The following KCNN4 variants were observed in gnomAD, a reference collection of about 807,000 sequenced individuals.
KCNN4 encodes intermediate conductance calcium-activated potassium channel protein 4.
A neutral mutation model predicts 45.2 loss-of-function variants in KCNN4; 31 were observed. That is an observed-to-expected ratio of 0.69 (90% CI 0.52 to 0.92). The LOEUF is 0.92. Ranked by LOEUF, KCNN4 falls within the 40% of genes least tolerant of loss-of-function variation. The pLI is 0.00. For missense variants in KCNN4, 463 were observed against 574.0 expected, an observed-to-expected ratio of 0.81 and a Z score of 1.98; for synonymous variants, 231 against 254.6, an observed-to-expected ratio of 0.91 and a Z score of 0.88.
Position 43,769,508 on chromosome 19 carries a change from T to G in KCNN4, c.983A>C (p.His328Pro). The change falls in exon 6 of 9, where the codon CAT becomes CCT. Residue 328 changes from histidine to proline, a missense_variant. By Grantham distance (77) the His-to-Pro change is moderately conservative. Around this residue, in one of 3 missense-constraint regions of KCNN4, gnomAD observed 129 missense variants for 149.4 expected, o/e 0.86. Coordinates refer to ENST00000648319, the MANE Select transcript of KCNN4 (RefSeq NM_002250.3). The surrounding 1 kb of genome is among the most constrained non-coding windows in gnomAD (Gnocchi z 4.4). ...VLQEAWMFYK[H>P]TRRKESHAAR... The stretch of plus-strand genomic sequence containing the variant: ...AGCATGAGACTCCTTCCTGCGAGTA[T>G]GTTTGTAGAACATCCAGGCTTCTTG... 2 of 1,614,212 alleles carry G rather than the reference T, an allele frequency of 1.2e-6. No homozygotes were observed.
At chr19:43,775,959 T>C (rs1568394472) in intron 2 of KCNN4, among the ~76,000 whole-genome samples, 1 of 151,644 alleles carries the variant, frequency 6.6e-6, no homozygotes, top group Non-Finnish European at 1.5e-5. Flanking sequence ...AAACCCCGTT[T>C]CTACTAAAAT....
At position 43,769,640 on chromosome 19, in the gene KCNN4, G is replaced by T; in HGVS notation, c.930+79C>A. 2 of 1,563,468 alleles carry T rather than the reference G, an allele frequency of 1.3e-6. No homozygotes were observed. The highest frequency in any genetic ancestry group is 1.8e-6 in the Non-Finnish European group (2 of 1,134,744). On this transcript the variant is annotated intron_variant, in intron 5 of 8. Coordinates refer to ENST00000648319, the MANE Select transcript of KCNN4 (RefSeq NM_002250.3). This position sits in a 1 kb window ranked among gnomAD's most constrained non-coding sequence, Gnocchi z 4.4. ...GCAGGGCTAGGGCTGGGACTCTTGG[G>T]TCCTAGGGGAAGCAGGGGCGCCTGG...
At chr19:43,777,147 C>G (rs1432095437) in intron 1 of KCNN4, among the ~76,000 whole-genome samples, 1 of 152,096 alleles carries the variant, frequency 6.6e-6, no homozygotes, top group Admixed American at 6.6e-5. Context: ...CAGGAATGCT[C>G]TCTTTCTCCC....
In KCNN4 at chr19:43,776,600, T is replaced by C. The variant is rs1259216918; in HGVS notation, c.196A>G (p.Ser66Gly). Residue 66 changes from serine (S) to glycine (G), a missense_variant, in exon 2 of 9, where the codon AGC (serine) becomes GGC (glycine). Physicochemically the swap from Ser to Gly is moderately conservative, Grantham distance 56 (BLOSUM62 0). Around this residue, in one of 3 missense-constraint regions of KCNN4, gnomAD observed 225 missense variants for 240.9 expected, o/e 0.93. Transcript: ENST00000648319. The stretch of plus-strand genomic sequence containing the variant: ...CAGAGGAGTAAGAAGGTGGAAATGC[T>C]GATCGTGCATTTAACCAGGAACAGG... Reference protein sequence around the residue: ...LYLFLVKCTISISTFLLLCLI... With the variant: ...LYLFLVKCTIGISTFLLLCLI... 6.2e-7 allele frequency: 1 copy of C among 1,613,992 alleles called. No homozygotes were observed. Among genetic ancestry groups the C allele is most frequent in the South Asian group, 1.1e-5 (1 of 91,086 alleles).
chr19:43,780,492 G>GAGTCCAAGTCCCCAGT (rs1969948212), intron 1 of KCNN4, among the ~76,000 whole-genome samples: 1 of 83,828 alleles, frequency 1.2e-5, no homozygotes, highest in African/African-American at 4.9e-5. Flanking sequence ...AGGAGTCCAG[G>GAGTCCAAGTCCCCAGT]CCCTCAGTCC....
intron 7 of KCNN4, 118 bp downstream of exon 7, chr19:43,768,845 A>T: frequency 1.1e-6 from 1 of 878,336 alleles, no homozygotes; most frequent in Non-Finnish European, 1.9e-6. Flanking sequence ...ACAGACCTTT[A>T]CTGACAGGCT....
chr19:43,767,823 C>G (rs1289605385), intron 7 of KCNN4, 116 bp from the exon 8 acceptor site: 1 of 1,273,296 alleles, frequency 7.9e-7, no homozygotes, highest in African/African-American at 1.5e-5. Context: ...TGAGGATTAC[C>G]CTCGACAATA....
In KCNN4 at chr19:43,774,686, C is replaced by G; in HGVS notation, c.256-67G>C. 7.5e-7 allele frequency: 1 copy of G among 1,340,056 alleles called. No individual in the cohort carries two copies. Among genetic ancestry groups the G allele is most frequent in the Non-Finnish European group, 9.7e-7 (1 of 1,025,974 alleles). 83.0% of individuals were successfully genotyped at this position (1,340,056 alleles called of 1,614,324 possible). ...CAGGCGCAGGTCAGGCGGCGGCCCG[C>G]GCCTGCCTGCGCCCTGAGATAAGTG... On this transcript the variant is annotated intron_variant, in intron 2 of 8. Coordinates refer to ENST00000648319, the MANE Select transcript of KCNN4 (RefSeq NM_002250.3). This position sits in a 1 kb window ranked among gnomAD's most constrained non-coding sequence, Gnocchi z 5.6.
At chr19:43,776,017 A>G (rs891990768) in intron 2 of KCNN4, among the ~76,000 whole-genome samples, 1 of 150,886 alleles carries the variant, frequency 6.6e-6, no homozygotes, top group African/African-American at 2.4e-5. Context: ...AGTCACAGCT[A>G]CTTGGGAGGC....
At position 43,780,551 on chromosome 19, in the gene KCNN4, G is replaced by T. The variant is rs1969953985; in HGVS notation, c.159+152C>A. The T allele has an allele frequency of 2.0e-5, 12 of 592,546 alleles. 1 individual carries two copies. The South Asian group carries it at 2.8e-4, about 14-fold the overall frequency. The allele number at this position is 592,546 out of a possible 1,614,324, so 36.7% of individuals were successfully genotyped here. A position where few individuals can be genotyped will look rare whatever the true frequency, so the allele number is the denominator to read the frequency against. ...CAAGTCCCCAGTCCCTCCTCCCTCA[G>T]ACCCAGGAGTCCTGACCCTCAGCCC... is the stretch of plus-strand genomic sequence containing the variant. On this transcript the variant is annotated intron_variant, in intron 1 of 8. Coordinates refer to ENST00000648319, the MANE Select transcript of KCNN4 (RefSeq NM_002250.3).
At chr19:43,776,492 C>CGCTGAGGG (rs1329708252) in intron 2 of KCNN4, 49 bp downstream of exon 2, 1 of 1,256,018 alleles carries the variant, frequency 8.0e-7, no homozygotes, top group Non-Finnish European at 1.2e-6. Context: ...GCTGACAGGG[C>CGCTGAGGG]GCTGAGGGGG....
In KCNN4 at chr19:43,769,784, G is replaced by C; in HGVS notation, c.865C>G (p.Leu289Val). ...TGCTTCTCTGCCTTGTTAAACTCCA[G>C]CTTCCGGGCCACCACGGCCACCAGC... ...ALLVAVVARKLEFNKAEKHVH... is the reference protein window; with the variant it reads ...ALLVAVVARKVEFNKAEKHVH... Residue 289 changes from leucine to valine, a missense_variant, in exon 5 of 9, where the codon CTG becomes GTG. By Grantham distance (32) the Leu-to-Val change is conservative. Around this residue, in one of 3 missense-constraint regions of KCNN4, gnomAD observed 109 missense variants for 183.7 expected, o/e 0.59. Coordinates refer to ENST00000648319, the MANE Select transcript of KCNN4 (RefSeq NM_002250.3). This position sits in a 1 kb window ranked among gnomAD's most constrained non-coding sequence, Gnocchi z 4.4. The C allele has an allele frequency of 1.2e-6, 2 of 1,613,820 alleles. No individual in the cohort carries two copies. The highest frequency in any genetic ancestry group is 1.7e-6 in the Non-Finnish European group (2 of 1,179,962).
chr19:43,778,614 CT>C (rs1256157238), intron 1 of KCNN4, among the ~76,000 whole-genome samples: 6 of 152,176 alleles, frequency 3.9e-5, no homozygotes, highest in African/African-American at 1.4e-4. Flanking sequence ...CCCTATTTGT[CT>C]TTCTCTTTAG....
At chr19:43,771,195 G>C (rs866881799) in intron 4 of KCNN4, among the ~76,000 whole-genome samples, 5 of 152,102 alleles carry the variant, frequency 3.3e-5, no homozygotes, top group African/African-American at 9.7e-5. Context: ...TGGATGTCAG[G>C]GTTCAGGAAG....
At position 43,769,280 on chromosome 19, in the gene KCNN4, G is replaced by C. The variant is rs577178530; in HGVS notation, c.1049+162C>G. ...GGAGACAAACCAGCACAGACACATA[G>C]AGTCATGCACGGTCAGATCCAGGTG... is the stretch of plus-strand genomic sequence containing the variant. On this transcript the variant is annotated intron_variant, in intron 6 of 8. Coordinates refer to ENST00000648319, the MANE Select transcript of KCNN4 (RefSeq NM_002250.3). This position sits in a 1 kb window ranked among gnomAD's most constrained non-coding sequence, Gnocchi z 4.4. The C allele has an allele frequency of 1.4e-6, 1 of 691,818 alleles. No individual in the cohort carries two copies. Among genetic ancestry groups the C allele is most frequent in the East Asian group, 2.6e-5 (1 of 38,532 alleles). The allele number at this position is 691,818 out of a possible 1,614,324, so 42.9% of individuals were successfully genotyped here.
intron 1 of KCNN4, among the ~76,000 whole-genome samples, chr19:43,779,438 C>G (rs1176388089): frequency 2.0e-5 from 3 of 152,132 alleles, no homozygotes; most frequent in Admixed American, 6.5e-5. Context: ...CAGAGCTGCC[C>G]ACCACCCCCT....
rs1245868064 is a variant in KCNN4 at position 43,769,123 on chromosome 19, G to A, written c.1050-91C>T. The A allele has an allele frequency of 7.3e-7, 1 of 1,371,426 alleles. No individual in the cohort carries two copies. Among genetic ancestry groups the A allele is most frequent in the African/African-American group, 1.4e-5 (1 of 69,910 alleles). 85.0% of individuals were successfully genotyped at this position (1,371,426 alleles called of 1,614,324 possible). ...AGGAATGAAGGGAGGAGAGGCACAT[G>A]AAGAAACAAAACAAAGAAACAAAGT... is the stretch of plus-strand genomic sequence containing the variant. On this transcript the variant is annotated intron_variant, in intron 6 of 8. Transcript: ENST00000648319. The surrounding 1 kb of genome is among the most constrained non-coding windows in gnomAD (Gnocchi z 4.4).
At position 43,769,225 on chromosome 19, in the gene KCNN4, A is replaced by T. The variant is rs1969566179; in HGVS notation, c.1050-193T>A. ...CCCCATCCCCAGTAGAAACCCAGGT[A>T]CCCAGGTCCGCAGACACACCGAGAT... On this transcript the variant is annotated intron_variant, in intron 6 of 8. Transcript: ENST00000648319. This position sits in a 1 kb window ranked among gnomAD's most constrained non-coding sequence, Gnocchi z 4.4. 2.9e-6 allele frequency: 2 copies of T among 686,040 alleles called. No homozygotes were observed. Among genetic ancestry groups the T allele is most frequent in the Non-Finnish European group, 5.0e-6 (2 of 396,192 alleles). 42.5% of individuals were successfully genotyped at this position (686,040 alleles called of 1,614,324 possible). A position where few individuals can be genotyped will look rare whatever the true frequency, so the allele number is the denominator to read the frequency against.
At position 43,774,513 on chromosome 19, in the gene KCNN4, G is replaced by T; in HGVS notation, c.362C>A (p.Pro121His). 1 of 1,596,698 alleles carries T rather than the reference G, an allele frequency of 6.3e-7. No individual in the cohort carries two copies. Among genetic ancestry groups the T allele is most frequent in the Non-Finnish European group, 8.5e-7 (1 of 1,174,924 alleles). ...CTGCACGCACGGCGGGCCCCGCACG[G>T]GCGCCGGGTGCAGCCCACACACCAC... ...ELVVCGLHPA[P>H]VRGPPCVQDL... Residue 121 changes from proline to histidine, a missense_variant, in exon 3 of 9, where the codon CCC (proline) becomes CAC (histidine). By Grantham distance (77) the Pro-to-His change is moderately conservative. Around this residue, in one of 3 missense-constraint regions of KCNN4, gnomAD observed 225 missense variants for 240.9 expected, o/e 0.93. Coordinates refer to ENST00000648319, the MANE Select transcript of KCNN4 (RefSeq NM_002250.3). This position sits in a 1 kb window ranked among gnomAD's most constrained non-coding sequence, Gnocchi z 5.6.
Sources: gnomAD v4.1 joint callset for allele counts (sites outside exome capture counted in the v4.1 genomes callset) on GRCh38, gnomAD v4.1.1 for gene constraint, gnomAD v4.1.1 regional missense constraint, Gnocchi (gnomAD v3.1) non-coding constraint, MANE v1.5 for transcripts, NCBI Gene and HGNC (gene_info 2026-07-23, HGNC 2026-07-21) for gene names.